CACNA1A: variants seen among roughly 807,000 people sequenced by gnomAD.
CACNA1A encodes calcium voltage-gated channel subunit alpha1 A.
In CACNA1A, 57 loss-of-function variants were observed where a neutral mutation model predicts 262.4. The observed-to-expected ratio is 0.22, with a 90% CI of 0.18 to 0.27. The LOEUF is 0.27. CACNA1A is among the 10% of genes least tolerant of loss of function. The pLI, the probability that CACNA1A is intolerant of heterozygous loss-of-function variation, is 1.00. For missense variants in CACNA1A, 2,526 were observed against 3,562.8 expected, an observed-to-expected ratio of 0.71 and a Z score of 7.41; for synonymous variants, 1,431 against 1,419.3, an observed-to-expected ratio of 1.01 and a Z score of -0.18.
At chr19:13,279,967 C>T (rs1268943116) in intron 22 of CACNA1A, among the ~76,000 whole-genome samples, 5 of 151,752 alleles carry the variant, frequency 3.3e-5, no homozygotes, top group African/African-American at 4.8e-5. Flanking sequence ...TGTTACCACG[C>T]CCAGATAATT....
At chr19:13,354,187 A>C (rs4926278) in intron 6 of CACNA1A, among the ~76,000 whole-genome samples, 80,012 of 151,954 alleles carry the variant, frequency 0.53, 22,851 homozygotes, top group East Asian at 0.96. Context: ...CCCAGGTGGG[A>C]AGCCTCTGCG....
intron 1 of CACNA1A, among the ~76,000 whole-genome samples, chr19:13,503,399 C>T (rs1982621051): frequency 1.3e-5 from 2 of 151,854 alleles, no homozygotes; most frequent in South Asian, 2.1e-4. Context: ...ATGTACTTGC[C>T]TGTACATATA....
rs994367803 is a variant in CACNA1A, at chr19:13,439,321, G to T, written c.539+13555C>A. Among the ~76,000 whole-genome samples, 4 of 151,454 alleles carry T rather than the reference G, an allele frequency of 2.6e-5. No homozygotes were observed. The South Asian group carries it at 8.3e-4, about 32-fold the overall frequency. ...GACGGGGTTTCACCATGTTAGCCAG[G>T]ATGGTCTCGATTTCCTGACCTCGTG... On this transcript the variant is annotated intron_variant, in intron 3 of 46. Coordinates refer to ENST00000360228, the MANE Select transcript of CACNA1A (RefSeq NM_001127222.2).
intron 10 of CACNA1A, among the ~76,000 whole-genome samples, chr19:13,320,020 G>A (rs1401319529): frequency 6.6e-6 from 1 of 152,136 alleles, no homozygotes; most frequent in East Asian, 1.9e-4. Context: ...GCTGTGACCT[G>A]CTTACAGGGA....
At chr19:13,279,389 G>A (rs567503280) in intron 22 of CACNA1A, among the ~76,000 whole-genome samples, 14 of 152,094 alleles carry the variant, frequency 9.2e-5, no homozygotes, top group East Asian at 1.9e-4. Flanking sequence ...CCAGCAGATC[G>A]GCCAAATGAA....
intron 44 of CACNA1A, among the ~76,000 whole-genome samples, chr19:13,209,840 G>A (rs1020012757): frequency 1.1e-4 from 16 of 152,266 alleles, no homozygotes; most frequent in African/African-American, 3.6e-4. Context: ...GCTGGCCAGA[G>A]GGAAGCCCTC....
intron 3 of CACNA1A, among the ~76,000 whole-genome samples, chr19:13,447,053 A>G (rs966848379): frequency 6.6e-6 from 1 of 152,220 alleles, no homozygotes; most frequent in Admixed American, 6.5e-5. Context: ...GAGAAATAAG[A>G]GCAAGAAAAG....
intron 3 of CACNA1A, among the ~76,000 whole-genome samples, chr19:13,392,793 C>A (rs955801223): frequency 1.3e-4 from 20 of 152,106 alleles, no homozygotes; most frequent in African/African-American, 4.1e-4. Context: ...GCCACCCAGG[C>A]TGGAGTACAG....
intron 3 of CACNA1A, among the ~76,000 whole-genome samples, chr19:13,375,580 G>A (rs1288117305): frequency 6.6e-6 from 1 of 152,144 alleles, no homozygotes; most frequent in Admixed American, 6.6e-5. Context: ...TTGAGCCTAG[G>A]AGTTTGAGAC....
At chr19:13,301,339 C>A (rs1222164760) in intron 17 of CACNA1A, among the ~76,000 whole-genome samples, 1 of 152,144 alleles carries the variant, frequency 6.6e-6, no homozygotes, top group East Asian at 1.9e-4. Context: ...ACTCTCTGAA[C>A]CAACTTTCAA....
At chr19:13,231,561 C>T (rs957510473) in intron 35 of CACNA1A, 149 bp downstream of exon 35, 47 of 772,162 alleles carry the variant, frequency 6.1e-5, no homozygotes, top group South Asian at 2.0e-4. Context: ...GAGTTTGAGA[C>T]GCTCAGGGTC....
rs1295532638 is a variant in CACNA1A, at chr19:13,413,660, C to T, written c.539+39216G>A. On this transcript the variant is annotated intron_variant, in intron 3 of 46. Coordinates refer to ENST00000360228, the MANE Select transcript of CACNA1A (RefSeq NM_001127222.2). Reference sequence around the variant, plus strand: ...TTGGGAGGCTGAGGTGGGAGGATCACCTGAGGTCAGGAGTTCAAGACCAGC... The same window carrying T: ...TTGGGAGGCTGAGGTGGGAGGATCATCTGAGGTCAGGAGTTCAAGACCAGC... Among the ~76,000 whole-genome samples, 30 of 147,080 alleles carry T rather than the reference C, an allele frequency of 2.0e-4. No individual in the cohort carries two copies. The Admixed American group carries it at 2.1e-3, about 10-fold the overall frequency.
chr19:13,502,388 G>C (rs1982492642), intron 1 of CACNA1A, among the ~76,000 whole-genome samples: 5 of 152,210 alleles, frequency 3.3e-5, no homozygotes, highest in Admixed American at 2.6e-4. Flanking sequence ...TGTTCAGTGG[G>C]AGACCTGGTG....
intron 1 of CACNA1A, among the ~76,000 whole-genome samples, chr19:13,467,493 T>C (rs117908565): frequency 6.6e-6 from 1 of 152,174 alleles, no homozygotes; most frequent in East Asian, 1.9e-4. Flanking sequence ...AAAATGATAA[T>C]AATAACTATC....
chr19:13,309,524 C>T (rs1194694963), intron 12 of CACNA1A, among the ~76,000 whole-genome samples: 1 of 140,128 alleles, frequency 7.1e-6, no homozygotes, highest in Non-Finnish European at 1.6e-5. Context: ...GAAACCCTGA[C>T]TTTACAAAAA....
At chr19:13,309,794 C>G (rs2057981178) in intron 12 of CACNA1A, among the ~76,000 whole-genome samples, 1 of 152,156 alleles carries the variant, frequency 6.6e-6, no homozygotes, top group Non-Finnish European at 1.5e-5. Context: ...TTTGTAATAA[C>G]CATTTTCTTA....
At chr19:13,361,100 G>T (rs2145253250) in intron 5 of CACNA1A, among the ~76,000 whole-genome samples, 1 of 152,234 alleles carries the variant, frequency 6.6e-6, no homozygotes, top group East Asian at 1.9e-4. Flanking sequence ...AAGCCTTGCT[G>T]ATTTTTTTCT....
At chr19:13,426,048 ACT>A (rs1324903885) in intron 3 of CACNA1A, among the ~76,000 whole-genome samples, 2 of 151,840 alleles carry the variant, frequency 1.3e-5, no homozygotes, top group Non-Finnish European at 2.9e-5. Flanking sequence ...ACCAAGCGAG[ACT>A]CTGTCTCAAA....
chr19:13,435,965 C>T (rs759282936), intron 3 of CACNA1A, among the ~76,000 whole-genome samples: 3 of 152,114 alleles, frequency 2.0e-5, no homozygotes, highest in East Asian at 1.9e-4. Flanking sequence ...GCTGAGATTA[C>T]AGGGATGCAC....
Sources: gnomAD v4.1 joint callset for allele counts (sites outside exome capture counted in the v4.1 genomes callset) on GRCh38, gnomAD v4.1.1 for gene constraint, MANE v1.5 for transcripts, NCBI Gene and HGNC (gene_info 2026-07-23, HGNC 2026-07-21) for gene names.